The following ESR2 variants were observed in gnomAD, a reference collection of about 807,000 sequenced individuals.
The protein encoded by ESR2 is estrogen receptor 2, also known as estrogen receptor beta.
In ESR2, 36 loss-of-function variants were observed where a neutral mutation model predicts 49.6. The observed-to-expected ratio is 0.73, with a 90% CI of 0.56 to 0.96. ESR2 has a LOEUF of 0.96. Ranked by LOEUF, ESR2 falls within the 40% of genes least tolerant of loss-of-function variation. The pLI is 0.00. For synonymous variants in ESR2, 320 were observed against 266.1 expected (o/e 1.20, Z -1.97); for missense variants, 714 against 693.0 (o/e 1.03, Z -0.34).
chr14:64,258,757 C>T (rs1020128413), intron 5 of ESR2, among the ~76,000 whole-genome samples: 1 of 152,172 alleles, frequency 6.6e-6, no homozygotes, highest in Admixed American at 6.5e-5. Flanking sequence ...TGTGTATATA[C>T]CTTCCCAGTC....
chr14:64,228,623 A>G lies in ESR2; in HGVS notation c.*4514T>C, dbSNP rs923040658. 6.6e-5 allele frequency among the ~76,000 whole-genome samples: 10 copies of G among 152,226 alleles called. No individual in the cohort carries two copies. Among genetic ancestry groups the G allele is most frequent in the African/African-American group, 1.9e-4 (8 of 41,454 alleles). ...ACAAAAGGTATAGGACCAACAGTTA[A>G]GGCATTTAGACACCCAACAGAGGAA... On this transcript the variant is annotated 3_prime_UTR_variant, in exon 9 of 9. Transcript: ENST00000341099.
Position 64,233,603 on chromosome 14 carries a change from A to AAAGTCACTGTGAACACT in ESR2, c.1407-297_1407-281dup, listed in dbSNP as rs1406138702. On this transcript the variant is annotated intron_variant, in intron 8 of 8. Coordinates refer to ENST00000341099, the MANE Select transcript of ESR2 (RefSeq NM_001437.3). ...ATTGTTTGCGGTAATTATGTTCCGT[A>AAAGTCACTGTGAACACT]AAGTCACTGTGAACACTGAATCCTC... 6 of 392,972 alleles carry AAAGTCACTGTGAACACT rather than the reference A, an allele frequency of 1.5e-5. No homozygotes were observed. The South Asian group carries it at 3.0e-4, about 20-fold the overall frequency. 24.3% of individuals were successfully genotyped at this position (392,972 alleles called of 1,614,324 possible). A position where few individuals can be genotyped will look rare whatever the true frequency, so the allele number is the denominator to read the frequency against.
intron 4 of ESR2, among the ~76,000 whole-genome samples, chr14:64,263,902 A>G (rs1482828321): frequency 6.6e-6 from 1 of 152,226 alleles, no homozygotes; most frequent in Non-Finnish European, 1.5e-5. Flanking sequence ...AATGAAGAAA[A>G]TCTTAAAATA....
At chr14:64,227,498 A>C, downstream of ESR2, 1 of 1,609,202 alleles carries the variant, frequency 6.2e-7, no homozygotes, top group Non-Finnish European at 8.5e-7. Flanking sequence ...ATGTTACCCA[A>C]GATTTTTCTT....
chr14:64,268,416 T>C (rs558969734), intron 4 of ESR2, among the ~76,000 whole-genome samples: 2 of 152,268 alleles, frequency 1.3e-5, no homozygotes, highest in African/African-American at 4.8e-5. Flanking sequence ...ACCATGGACA[T>C]TTACCACGAC....
At chr14:64,333,901 A>T (rs1427926217) in intron 1 of ESR2, among the ~76,000 whole-genome samples, 1 of 152,112 alleles carries the variant, frequency 6.6e-6, no homozygotes, top group Non-Finnish European at 1.5e-5. Context: ...AAAATTATTT[A>T]TAATTTTAAA....
At chr14:64,234,468 A>C (rs2098730467) in intron 8 of ESR2, 1 of 160,768 alleles carries the variant, frequency 6.2e-6, no homozygotes, top group Non-Finnish European at 1.4e-5. Context: ...CTGCCTTCCT[A>C]AATCTGCTGG....
intron 6 of ESR2, 120 bp from the exon 7 acceptor site, chr14:64,249,799 T>C: frequency 1.0e-6 from 1 of 972,992 alleles, no homozygotes; most frequent in Non-Finnish European, 1.5e-6. Flanking sequence ...TCTGATAATA[T>C]CATTTTAACT....
chr14:64,316,564 T>A (rs2077257982), intron 1 of ESR2, among the ~76,000 whole-genome samples: 1 of 152,142 alleles, frequency 6.6e-6, no homozygotes, highest in Non-Finnish European at 1.5e-5. Context: ...ATCCCAGCAC[T>A]TTGGGAGGCC....
intron 1 of ESR2, among the ~76,000 whole-genome samples, chr14:64,303,141 G>A (rs912365801): frequency 6.6e-5 from 10 of 152,160 alleles, no homozygotes; most frequent in African/African-American, 2.4e-4. Context: ...TTGCAATTCG[G>A]TGATTAAACC....
At chr14:64,277,065 C>G (rs1280849149) in intron 3 of ESR2, among the ~76,000 whole-genome samples, 1 of 152,108 alleles carries the variant, frequency 6.6e-6, no homozygotes, top group Non-Finnish European at 1.5e-5. Context: ...AAAAAATAAG[C>G]CATGCTGTCA....
intron 6 of ESR2, among the ~76,000 whole-genome samples, chr14:64,254,832 A>AG (rs1343132490): frequency 1.3e-5 from 2 of 151,872 alleles, no homozygotes; most frequent in Admixed American, 6.6e-5. Context: ...ATTCCAAAAA[A>AG]AAAAAAAAAT....
Position 64,268,858 on chromosome 14 carries a change from G to T in ESR2, c.589C>A (p.Arg197=), listed in dbSNP as rs760053106. Residue 197 remains arginine (R), a synonymous_variant, in exon 4 of 9, where the codon CGG becomes AGG. Coordinates refer to ENST00000341099, the MANE Select transcript of ESR2 (RefSeq NM_001437.3). ...CGGCAGGCCTGGCAGCTCTTGCGCCGGTTTTTATCGATTGTACACTGATTT... is the reference window on the plus strand; with the variant it reads ...CGGCAGGCCTGGCAGCTCTTGCGCCTGTTTTTATCGATTGTACACTGATTT... ...ATNQCTIDKN[R]RKSCQACRLR... The T allele has an allele frequency of 6.2e-7, 1 of 1,613,726 alleles. No individual in the cohort carries two copies. The highest frequency in any genetic ancestry group is 8.5e-7 in the Non-Finnish European group (1 of 1,179,668).
intron 1 of ESR2, among the ~76,000 whole-genome samples, chr14:64,320,765 C>T (rs1473754038): frequency 6.6e-6 from 1 of 151,634 alleles, no homozygotes; most frequent in Non-Finnish European, 1.5e-5. Context: ...TGTGGTGGTG[C>T]ATGTGTGTAA....
chr14:64,253,675 AC>A (rs2140696371), intron 6 of ESR2, among the ~76,000 whole-genome samples: 1 of 151,064 alleles, frequency 6.6e-6, no homozygotes, highest in South Asian at 2.1e-4. Flanking sequence ...ACCATGGTTT[AC>A]CTCTGTGTGT....
chr14:64,282,967 G>T lies in ESR2; in HGVS notation c.19C>A (p.Pro7Thr). 10 of 1,612,750 alleles carry T rather than the reference G, an allele frequency of 6.2e-6. No homozygotes were observed. Among genetic ancestry groups the T allele is most frequent in the Non-Finnish European group, 8.5e-6 (10 of 1,179,086 alleles). The change falls in exon 2 of 9, where the codon CCA (proline) becomes ACA (threonine). Residue 7 changes from proline (P) to threonine (T), a missense_variant. By Grantham distance (38) the Pro-to-Thr change is conservative. Transcript: ENST00000341099. MDIKNS[P>T]SSLNSPSSYN... is the part of the protein sequence containing the mutation. ...GAGGAAGGAGAATTAAGGCTAGATGGTGAGTTTTTTATATCCATGTCTTGA... is the reference window on the plus strand; with the variant it reads ...GAGGAAGGAGAATTAAGGCTAGATGTTGAGTTTTTTATATCCATGTCTTGA...
At chr14:64,241,283 T>C (rs2075724701) in intron 7 of ESR2, among the ~76,000 whole-genome samples, 1 of 152,194 alleles carries the variant, frequency 6.6e-6, no homozygotes, top group Non-Finnish European at 1.5e-5. Flanking sequence ...CCATCATAAA[T>C]TGAGGAACAT....
At chr14:64,302,160 T>TTATTTA (rs1555593262) in intron 1 of ESR2, among the ~76,000 whole-genome samples, 13 of 138,164 alleles carry the variant, frequency 9.4e-5, no homozygotes, top group Non-Finnish European at 1.8e-4. Flanking sequence ...TATTTTTTAT[T>TTATTTA]TTTATTTATT....
chr14:64,275,634 C>T (rs1407628047), intron 3 of ESR2, among the ~76,000 whole-genome samples: 3 of 151,464 alleles, frequency 2.0e-5, no homozygotes, highest in Non-Finnish European at 4.4e-5. Flanking sequence ...ACCTGGGAGT[C>T]GGAGGTTTCA....
Sources: allele counts gnomAD v4.1 joint callset (sites outside exome capture counted in the v4.1 genomes callset), GRCh38; gene constraint gnomAD v4.1.1; transcripts MANE v1.5; gene names NCBI Gene and HGNC (gene_info 2026-07-23, HGNC 2026-07-21).